MRNIP: variants seen among roughly 807,000 people sequenced by gnomAD.
MRNIP encodes MRN complex-interacting protein.
MRNIP carries 30 observed loss-of-function variants against 29.8 expected under a neutral mutation model. The observed-to-expected ratio is 1.01, with a 90% CI of 0.75 to 1.36. The LOEUF (loss-of-function observed/expected upper bound fraction) is 1.36. MRNIP is among the 40% of genes most tolerant of loss of function. The probability of loss-of-function intolerance (pLI) is 0.00; values close to 1 mark genes in which losing one functional copy is unlikely to be tolerated. For synonymous variants in MRNIP, 201 were observed against 164.1 expected (o/e 1.23, Z -1.72); for missense variants, 459 against 423.5 (o/e 1.08, Z -0.74).
intron 2 of MRNIP, among the ~76,000 whole-genome samples, chr5:179,852,438 T>C (rs1582055366): frequency 6.6e-6 from 1 of 152,302 alleles, no homozygotes; most frequent in Admixed American, 6.5e-5. Flanking sequence ...TCAACCTAAA[T>C]GCCCAACAAG....
chr5:179,852,328 G>A (rs1759408721), intron 2 of MRNIP, among the ~76,000 whole-genome samples: 1 of 151,940 alleles, frequency 6.6e-6, no homozygotes, highest in African/African-American at 2.4e-5. Context: ...TAACTTTTAG[G>A]ACTTTGTCCT....
chr5:179,851,796 G>GT (rs1412991491), intron 2 of MRNIP, among the ~76,000 whole-genome samples: 1 of 151,996 alleles, frequency 6.6e-6, no homozygotes, highest in African/African-American at 2.4e-5. Flanking sequence ...GGCTAACATG[G>GT]TGAAACCCCA....
chr5:179,840,782 C>T lies in MRNIP; in HGVS notation c.537+90G>A, dbSNP rs531744896. The T allele has an allele frequency of 4.1e-5, 41 of 991,256 alleles. No individual in the cohort carries two copies. In the East Asian group the frequency reaches 8.4e-4, roughly 20 times the overall value. 61.4% of individuals were successfully genotyped at this position (991,256 alleles called of 1,614,324 possible). The stretch of plus-strand genomic sequence containing the variant: ...AGATGGGCTTTCTGCGGGTAGGAAT[C>T]GCACACTTCGTCAACTGTGACAAAA... On this transcript the variant is annotated intron_variant, in intron 6 of 6. Coordinates refer to ENST00000292586, the MANE Select transcript of MRNIP (RefSeq NM_016175.4).
At chr5:179,857,237 C>G (rs548032790) in intron 1 of MRNIP, among the ~76,000 whole-genome samples, 1 of 152,102 alleles carries the variant, frequency 6.6e-6, no homozygotes, top group Non-Finnish European at 1.5e-5. Flanking sequence ...CCGAGGCGGG[C>G]AGATCACGAG....
chr5:179,841,205 G>A, intron 5 of MRNIP: 1 of 517,998 alleles, frequency 1.9e-6, no homozygotes, highest in East Asian at 3.4e-5. Flanking sequence ...GAGTGCAATG[G>A]CTCACTGCCG....
chr5:179,840,687 AGGGAAAAGGG>A, intron 6 of MRNIP, 175 bp downstream of exon 6: 2 of 608,938 alleles, frequency 3.3e-6, no homozygotes, highest in Non-Finnish European at 5.9e-6. Context: ...GAGGCATGGG[AGGGAAAAGGG>A]GGTACAGACC....
At chr5:179,853,356 C>T (rs1365836497) in intron 2 of MRNIP, 22 bp downstream of exon 2, 1 of 1,611,460 alleles carries the variant, frequency 6.2e-7, no homozygotes, top group South Asian at 1.1e-5. Context: ...GCCCCACTTG[C>T]TTTCTGTTTT....
intron 3 of MRNIP, among the ~76,000 whole-genome samples, chr5:179,844,954 T>C (rs75569429): frequency 1.3e-5 from 2 of 152,322 alleles, no homozygotes; most frequent in East Asian, 3.9e-4. Context: ...TCTAAAAATG[T>C]TATGTCTTTG....
Position 179,841,959 on chromosome 5 carries a change from A to G in MRNIP, c.397T>C (p.Ser133Pro), listed in dbSNP as rs1758899862. The change falls in exon 5 of 7, where the codon TCC becomes CCC. Residue 133 changes from serine to proline, a missense_variant. Transcript: ENST00000292586. The stretch of plus-strand genomic sequence containing the variant: ...CGGGGGCCTGGCTCCTCCATTTTGG[A>G]TGAAGGCTGTTTGCTGAAACACACT... Reference protein sequence around the residue: ...TGVCFSKQPSSKMEEPGPRFS... With the variant: ...TGVCFSKQPSPKMEEPGPRFS... 3 of 1,614,096 alleles carry G rather than the reference A, an allele frequency of 1.9e-6. No individual in the cohort carries two copies. The highest frequency in any genetic ancestry group is 2.2e-5 in the East Asian group (1 of 44,880).
intron 5 of MRNIP, 75 bp from the exon 6 acceptor site, chr5:179,841,034 G>T: frequency 9.1e-7 from 1 of 1,100,050 alleles, no homozygotes. Context: ...CGATCACATG[G>T]CCCACAGGCT....
chr5:179,847,918 T>C, intron 3 of MRNIP, 60 bp downstream of exon 3: 1 of 1,139,774 alleles, frequency 8.8e-7, no homozygotes, highest in Admixed American at 1.9e-5. Context: ...TGTGTACTTC[T>C]ATTATCCAGT....
intron 3 of MRNIP, chr5:179,846,066 C>G (rs774986634): frequency 3.3e-5 from 5 of 152,172 alleles, no homozygotes; most frequent in Admixed American, 6.5e-5. Context: ...AAAAAGCTCT[C>G]AAATACACCT....
Position 179,853,407 on chromosome 5 carries a change from C to G in MRNIP, c.97G>C (p.Ala33Pro), listed in dbSNP as rs1331437001. The G allele has an allele frequency of 6.2e-7, 1 of 1,612,974 alleles. No individual in the cohort carries two copies. The highest frequency in any genetic ancestry group is 1.3e-5 in the African/African-American group (1 of 74,932). ...AAAAAGGACTGCTTCTCTCCACAAG[C>G]TTTGCATGTCCACTTGACACTCTTT... ...VKKSVKWTCK[A>P]CGEKQSFLQA... Residue 33 changes from alanine to proline, a missense_variant, in exon 2 of 7, where the codon GCT becomes CCT. Transcript: ENST00000292586.
rs765194020 is a variant in MRNIP at position 179,837,827 on chromosome 5, T to C, written c.596A>G (p.Asn199Ser). 1.7e-5 allele frequency: 27 copies of C among 1,613,132 alleles called. 1 individual carries two copies. In the Middle Eastern group the frequency reaches 3.3e-3, roughly 197 times the overall value. Residue 199 changes from asparagine (N) to serine (S), a missense_variant, in exon 7 of 7, where the codon AAC becomes AGC. By Grantham distance (46) the Asn-to-Ser change is conservative. Transcript: ENST00000292586. ...CTCCCCGGCACTGCAGTCTGCAGAG[T>C]TCTCCTGGAGGCAGGGGCTGCTGCC... Reference protein sequence around the residue: ...KQGSSPCLQENSADCSAGELR... With the variant: ...KQGSSPCLQESSADCSAGELR...
chr5:179,855,125 C>G (rs1759522897), intron 1 of MRNIP, among the ~76,000 whole-genome samples: 1 of 151,756 alleles, frequency 6.6e-6, no homozygotes, highest in African/African-American at 2.4e-5. Flanking sequence ...CAAAGAAAAG[C>G]CAATTTTTTA....
intron 1 of MRNIP, among the ~76,000 whole-genome samples, chr5:179,854,272 G>A (rs939293334): frequency 2.0e-5 from 3 of 152,050 alleles, no homozygotes; most frequent in Non-Finnish European, 2.9e-5. Context: ...CACCCGCCTC[G>A]GCCTCCCAAA....
intron 1 of MRNIP, among the ~76,000 whole-genome samples, chr5:179,857,800 G>A (rs986649595): frequency 6.6e-6 from 1 of 152,102 alleles, no homozygotes; most frequent in African/African-American, 2.4e-5. Context: ...GTCACCTGAG[G>A]TCAGGAGTTC....
At chr5:179,853,887 A>G (rs1332767887) in intron 1 of MRNIP, among the ~76,000 whole-genome samples, 1 of 150,176 alleles carries the variant, frequency 6.7e-6, no homozygotes, top group Non-Finnish European at 1.5e-5. Flanking sequence ...TAATTTTTGT[A>G]TTTTAGTAGA....
intron 1 of MRNIP, among the ~76,000 whole-genome samples, 165 bp from the exon 2 acceptor site, chr5:179,853,602 T>G (rs1459710809): frequency 6.6e-6 from 1 of 152,040 alleles, no homozygotes; most frequent in Non-Finnish European, 1.5e-5. Flanking sequence ...TGAAACCCAG[T>G]CTCTACTAAA....
Sources: gnomAD v4.1 joint callset for allele counts (sites outside exome capture counted in the v4.1 genomes callset) on GRCh38, gnomAD v4.1.1 for gene constraint, MANE v1.5 for transcripts, NCBI Gene and HGNC (gene_info 2026-07-23, HGNC 2026-07-21) for gene names.